The following TENM2 variants were observed in gnomAD, a reference collection of about 807,000 sequenced individuals.
TENM2 encodes teneurin-2.
Under a neutral mutation model 245.2 loss-of-function variants are expected in TENM2, and 52 were observed. The ratio of observed to expected loss-of-function variants is 0.21; its 90% confidence interval spans 0.17 to 0.27. The LOEUF (loss-of-function observed/expected upper bound fraction) is 0.27. Among genes scored for constraint, TENM2 ranks in the 10% least tolerant of loss-of-function variants. TENM2 has a pLI of 1.00. For missense variants in TENM2, 3,046 were observed against 3,666.8 expected (o/e 0.83, Z 4.37); for synonymous variants, 1,363 against 1,438.9 (o/e 0.95, Z 1.19).
intron 2 of TENM2, among the ~76,000 whole-genome samples, chr5:167,867,777 C>G (rs1434952328): frequency 6.6e-6 from 1 of 152,098 alleles, no homozygotes; most frequent in African/African-American, 2.4e-5. Flanking sequence ...TTCTCTGAAT[C>G]TCCTGCCTCC....
chr5:167,622,235 T>TAC (rs1778222243), intron 2 of TENM2, among the ~76,000 whole-genome samples: 2 of 152,140 alleles, frequency 1.3e-5, no homozygotes, highest in Non-Finnish European at 2.9e-5. Flanking sequence ...GAGGGAGACA[T>TAC]GATGAGAAGC....
chr5:167,803,043 G>A (rs1012759210), intron 2 of TENM2, among the ~76,000 whole-genome samples: 42 of 152,222 alleles, frequency 2.8e-4, no homozygotes, highest in African/African-American at 8.4e-4. Flanking sequence ...AAACCTAAAT[G>A]CTTGATGTAG....
At chr5:167,513,977 T>C (rs1272968019) in intron 2 of TENM2, among the ~76,000 whole-genome samples, 1 of 152,152 alleles carries the variant, frequency 6.6e-6, no homozygotes, top group East Asian at 1.9e-4. Context: ...TTAGTCTTCT[T>C]TTCTCTTAGC....
At chr5:167,158,846 C>CCCTT in the TENM2 span, among the ~76,000 whole-genome samples, 19,453 of 85,768 alleles carry the variant, frequency 0.23, 2,906 homozygotes, top group Non-Finnish European at 0.24. Context: ...TCCATAGCAG[C>CCCTT]CCTTCCTTCC....
intron 1 of TENM2, among the ~76,000 whole-genome samples, chr5:167,339,941 T>A (rs1757997910): frequency 6.6e-6 from 1 of 152,204 alleles, no homozygotes; most frequent in South Asian, 2.1e-4. Flanking sequence ...CATATAGAAC[T>A]ATGAGAAATA....
At chr5:167,321,782 C>CTTTTTTTTTTTT (rs1191717159) in intron 1 of TENM2, among the ~76,000 whole-genome samples, 10 of 59,738 alleles carry the variant, frequency 1.7e-4, no homozygotes, top group Non-Finnish European at 1.5e-4. Flanking sequence ...GCTGCCTTGG[C>CTTTTTTTTTTTT]TTATTTTTTT....
At chr5:167,791,440 TA>T (rs1764956889) in intron 2 of TENM2, among the ~76,000 whole-genome samples, 2 of 145,626 alleles carry the variant, frequency 1.4e-5, no homozygotes, top group African/African-American at 5.0e-5. Flanking sequence ...TATATATTTA[TA>T]TATAATATAT....
intron 2 of TENM2, among the ~76,000 whole-genome samples, chr5:167,786,023 C>T (rs1196039938): frequency 6.6e-6 from 1 of 152,164 alleles, no homozygotes; most frequent in Non-Finnish European, 1.5e-5. Context: ...CATCATTTTA[C>T]AGAAGAAACT....
At chr5:167,176,834 A>G in the TENM2 span, among the ~76,000 whole-genome samples, 1 of 152,238 alleles carries the variant, frequency 6.6e-6, no homozygotes, top group African/African-American at 2.4e-5. Flanking sequence ...AGGATGGAAA[A>G]TAAAGCAGTC....
the TENM2 span, among the ~76,000 whole-genome samples, chr5:167,123,507 G>A: frequency 3.3e-5 from 5 of 152,264 alleles, no homozygotes; most frequent in African/African-American, 1.2e-4. Context: ...ATTTCAAGTT[G>A]TGATAAACCT....
At chr5:167,844,635 G>A (rs901436257) in intron 2 of TENM2, among the ~76,000 whole-genome samples, 5 of 152,082 alleles carry the variant, frequency 3.3e-5, no homozygotes, top group African/African-American at 1.2e-4. Flanking sequence ...GCTATAAGAT[G>A]GCATTTTCAA....
At chr5:167,834,579 A>T in intron 2 of TENM2, among the ~76,000 whole-genome samples, 1 of 152,028 alleles carries the variant, frequency 6.6e-6, no homozygotes, top group African/African-American at 2.4e-5. Flanking sequence ...AAGAAAGACA[A>T]GGCAATCATA....
Position 168,118,501 on chromosome 5 carries a change from C to T in TENM2, c.2008+15C>T, listed in dbSNP as rs372007318. ...CTGTGAGGAAGGTAAGCCCGCCGGC[C>T]CCGGGGCTAGGCAGCAGTGGAGGGA... On this transcript the variant is annotated intron_variant, in intron 10 of 28. Transcript: ENST00000518659. 184 of 1,500,440 alleles carry T rather than the reference C, an allele frequency of 1.2e-4. 1 individual carries two copies. The highest frequency in any genetic ancestry group is 7.2e-4 in the Middle Eastern group (4 of 5,566). The allele number at this position is 1,500,440 out of a possible 1,614,324, so 92.9% of individuals were successfully genotyped here. A position where few individuals can be genotyped will look rare whatever the true frequency, so the allele number is the denominator to read the frequency against.
At chr5:167,100,623 C>T in the TENM2 span, among the ~76,000 whole-genome samples, 2 of 152,098 alleles carry the variant, frequency 1.3e-5, no homozygotes, top group African/African-American at 2.4e-5. Context: ...TTTCTTGCCA[C>T]CCCCTTTGCT....
chr5:168,212,010 C>T (rs1053006546), intron 20 of TENM2, among the ~76,000 whole-genome samples: 3 of 152,114 alleles, frequency 2.0e-5, no homozygotes, highest in East Asian at 1.9e-4. Flanking sequence ...GAACCCTCAG[C>T]GAACTTCTAT....
At chr5:167,210,706 A>G in the TENM2 span, among the ~76,000 whole-genome samples, 2 of 145,682 alleles carry the variant, frequency 1.4e-5, no homozygotes, top group Admixed American at 6.8e-5. Flanking sequence ...CTCATGATCC[A>G]CCCGCCTCGG....
intron 1 of TENM2, among the ~76,000 whole-genome samples, chr5:167,290,769 CAAA>C (rs35347108): frequency 0.027 from 3,330 of 122,626 alleles, 120 homozygotes; most frequent in African/African-American, 0.082. Context: ...TTTTACAAGT[CAAA>C]AAAAAAAAAA....
At chr5:168,118,014 A>G (rs1401531170) in intron 9 of TENM2, among the ~76,000 whole-genome samples, 9 of 152,192 alleles carry the variant, frequency 5.9e-5, no homozygotes, top group African/African-American at 2.2e-4. Flanking sequence ...CCTCCACCTC[A>G]TAGGGTGATT....
the TENM2 span, among the ~76,000 whole-genome samples, chr5:166,987,422 T>C: frequency 3.2e-4 from 11 of 34,508 alleles, no homozygotes; most frequent in African/African-American, 5.6e-4. Flanking sequence ...TTAGTAAGGG[T>C]GTGTGTGTGT....
Sources: gnomAD v4.1 joint callset for allele counts (sites outside exome capture counted in the v4.1 genomes callset) on GRCh38, gnomAD v4.1.1 for gene constraint, MANE v1.5 for transcripts, NCBI Gene and HGNC (gene_info 2026-07-23, HGNC 2026-07-21) for gene names.